The following KCTD18 variants were observed in gnomAD, a reference collection of about 807,000 sequenced individuals.
KCTD18 encodes the protein potassium channel tetramerization domain containing 18, also known as BTB/POZ domain-containing protein KCTD18.
In KCTD18, 22 loss-of-function variants were observed where a neutral mutation model predicts 30.4. That is an observed-to-expected ratio of 0.72 (90% CI 0.52 to 1.03). The LOEUF (loss-of-function observed/expected upper bound fraction) is 1.03. Among genes scored for constraint, KCTD18 ranks in the 50% least tolerant of loss-of-function variants. KCTD18 has a pLI of 0.00. For synonymous variants in KCTD18, 186 were observed against 209.0 expected (o/e 0.89, Z 0.95); for missense variants, 529 against 547.6 (o/e 0.97, Z 0.34).
chr2:200,496,994 C>T (rs891194331), intron 5 of KCTD18: 2 of 152,202 alleles, frequency 1.3e-5, no homozygotes, highest in African/African-American at 4.8e-5. Context: ...GACTGGCAGT[C>T]AGTCTTTACT....
intron 2 of KCTD18, among the ~76,000 whole-genome samples, chr2:200,505,649 C>A (rs944446680): frequency 2.0e-5 from 3 of 152,122 alleles, no homozygotes; most frequent in Non-Finnish European, 4.4e-5. Flanking sequence ...GAGGTTCTCA[C>A]TAAAGAGAGC....
chr2:200,492,097 C>G (rs544803266), intron 6 of KCTD18, among the ~76,000 whole-genome samples: 3 of 152,320 alleles, frequency 2.0e-5, no homozygotes, highest in Middle Eastern at 3.4e-3. Context: ...AGGAGGGTCT[C>G]CGTAAACCAC....
intron 3 of KCTD18, among the ~76,000 whole-genome samples, chr2:200,502,096 A>T (rs1215733492): frequency 6.7e-6 from 1 of 148,954 alleles, no homozygotes; most frequent in Non-Finnish European, 1.5e-5. Context: ...ATGAGAACAC[A>T]TGGACACAGG....
chr2:200,497,610 C>A, intron 5 of KCTD18, 143 bp downstream of exon 5: 1 of 642,706 alleles, frequency 1.6e-6, no homozygotes, highest in Non-Finnish European at 2.8e-6. Context: ...AAGTAAACTG[C>A]CTCAGTGTTA....
rs1483979417 is a variant in KCTD18 at position 200,504,919 on chromosome 2, G to T, written c.201C>A (p.Tyr67Ter). The T allele has an allele frequency of 2.5e-6, 4 of 1,613,962 alleles. No homozygotes were observed. In the Admixed American group the frequency reaches 5.0e-5, roughly 20 times the overall value. The part of the protein sequence containing the change: ...VIDRDGRLFK[Y>*]LLDYLHGEVQ... ...CTTCTCCATGAAGGTAATCCAAAAG[G>T]TATTTAAATAGACGTCCATCACGGT... Residue 67 changes from tyrosine to a stop codon, truncating the protein, a stop_gained, in exon 3 of 7, where the codon TAC becomes TAA. Coordinates refer to ENST00000359878, the MANE Select transcript of KCTD18 (RefSeq NM_152387.4). LOFTEE classifies it high-confidence loss of function.
Position 200,490,231 on chromosome 2 carries a change from G to A in KCTD18, c.1150C>T (p.Leu384=), listed in dbSNP as rs765155961. 6 of 1,614,250 alleles carry A rather than the reference G, an allele frequency of 3.7e-6. No homozygotes were observed. In the Admixed American group the frequency reaches 1.0e-4, roughly 27 times the overall value. The part of the protein sequence containing the change: ...QRVIKLKRTP[L]CATAPCLPSP... Reference sequence around the variant, plus strand: ...GGCAGGCAAGGCGCGGTGGCGCACAGCGGAGTCCTCTTCAGCTTTATCACC... The same window carrying A: ...GGCAGGCAAGGCGCGGTGGCGCACAACGGAGTCCTCTTCAGCTTTATCACC... Residue 384 remains leucine, a synonymous_variant, in exon 7 of 7, where the codon CTG becomes TTG. Coordinates refer to ENST00000359878, the MANE Select transcript of KCTD18 (RefSeq NM_152387.4).
rs765871188 is a variant in KCTD18, at chr2:200,506,922, C to T, written c.95G>A (p.Arg32His). 3.1e-6 allele frequency: 5 copies of T among 1,613,654 alleles called. No homozygotes were observed. Among genetic ancestry groups the T allele is most frequent in the African/African-American group, 2.7e-5 (2 of 74,864 alleles). ...IYTARRESLC[R>H]FKDSMLASMF... ...AGATGCCAACATGGAGTCCTTGAAG[C>T]GGCACAAGGACTCCCGCCGGGCTGT... is the stretch of plus-strand genomic sequence containing the variant. Residue 32 changes from arginine to histidine, a missense_variant, in exon 2 of 7, where the codon CGC becomes CAC. Arg to His is a conservative substitution (Grantham distance 29). Coordinates refer to ENST00000359878, the MANE Select transcript of KCTD18 (RefSeq NM_152387.4).
intron 3 of KCTD18, among the ~76,000 whole-genome samples, chr2:200,503,626 A>G (rs571800957): frequency 1.4e-3 from 209 of 152,350 alleles, no homozygotes; most frequent in Non-Finnish European, 2.3e-3. Context: ...AACAGCAGGG[A>G]AAGACTATCG....
chr2:200,509,951 C>T lies in KCTD18; in HGVS notation c.-399G>A, dbSNP rs1001230096. On this transcript the variant is annotated 5_prime_UTR_variant, in exon 1 of 7. Coordinates refer to ENST00000359878, the MANE Select transcript of KCTD18 (RefSeq NM_152387.4). ...GCCGCCTTCCGGGCCCGCGGCCCAT[C>T]CCGCGCCCGGCTCTTCCGCACCGGG... 4.0e-5 allele frequency: 6 copies of T among 151,040 alleles called. No homozygotes were observed. The highest frequency in any genetic ancestry group is 1.4e-4 in the African/African-American group (6 of 41,388). 9.4% of individuals were successfully genotyped at this position (151,040 alleles called of 1,614,324 possible). A position where few individuals can be genotyped will look rare whatever the true frequency, so the allele number is the denominator to read the frequency against.
At chr2:200,501,468 T>C (rs1471658603) in intron 3 of KCTD18, among the ~76,000 whole-genome samples, 1 of 140,268 alleles carries the variant, frequency 7.1e-6, no homozygotes, top group Non-Finnish European at 1.5e-5. Context: ...CATCAAAAAG[T>C]GGGCGAAGGA....
At position 200,504,331 on chromosome 2, in the gene KCTD18, C is replaced by T. The variant is rs1016526990; in HGVS notation, c.372+417G>A. ...AAAATTAGCTGGGCATAGTGGCAGG[C>T]GCCTGTAGTCCCAGCTACTGGGGAG... On this transcript the variant is annotated intron_variant, in intron 3 of 6. Coordinates refer to ENST00000359878, the MANE Select transcript of KCTD18 (RefSeq NM_152387.4). 5.3e-5 allele frequency among the ~76,000 whole-genome samples: 8 copies of T among 151,768 alleles called. No homozygotes were observed. The East Asian group carries it at 1.4e-3, about 26-fold the overall frequency.
chr2:200,495,146 A>T (rs2087981486), intron 5 of KCTD18, among the ~76,000 whole-genome samples: 1 of 152,198 alleles, frequency 6.6e-6, no homozygotes, highest in Non-Finnish European at 1.5e-5. Flanking sequence ...TCCTAATCAG[A>T]AGACCAGGAA....
intron 4 of KCTD18, among the ~76,000 whole-genome samples, chr2:200,498,135 T>TA (rs1170488641): frequency 6.6e-6 from 1 of 152,072 alleles, no homozygotes; most frequent in African/African-American, 2.4e-5. Flanking sequence ...ATCAAGTTTT[T>TA]AAAAAAAATC....
Position 200,490,257 on chromosome 2 carries a change from C to A in KCTD18, c.1124G>T (p.Arg375Leu). 6.2e-7 allele frequency: 1 copy of A among 1,614,248 alleles called. No homozygotes were observed. Among genetic ancestry groups the A allele is most frequent in the Non-Finnish European group, 8.5e-7 (1 of 1,180,044 alleles). ...LLSDKKPTPQ[R>L]VIKLKRTPLC... is the part of the protein sequence containing the mutation. ...CGGAGTCCTCTTCAGCTTTATCACC[C>A]GCTGGGGTGTAGGCTTCTTGTCGGA... The change falls in exon 7 of 7, where the codon CGG (arginine) becomes CTG (leucine). Residue 375 changes from arginine (R) to leucine (L), a missense_variant. Physicochemically the swap from Arg to Leu is moderately radical, Grantham distance 102 (BLOSUM62 -2). Transcript: ENST00000359878.
chr2:200,508,940 G>GC (rs920167439), intron 1 of KCTD18, among the ~76,000 whole-genome samples: 8 of 152,110 alleles, frequency 5.3e-5, no homozygotes, highest in Non-Finnish European at 1.0e-4. Flanking sequence ...GTATCCTTCT[G>GC]CCCCCCAAGT....
At chr2:200,506,732 G>T (rs1198477981) in intron 2 of KCTD18, 125 bp downstream of exon 2, 2 of 775,194 alleles carry the variant, frequency 2.6e-6, no homozygotes, top group East Asian at 2.6e-5. Context: ...TCTCCATAGA[G>T]TCCTAATGAT....
intron 5 of KCTD18, among the ~76,000 whole-genome samples, chr2:200,495,716 T>C (rs1188507147): frequency 6.6e-6 from 1 of 152,144 alleles, no homozygotes; most frequent in Admixed American, 6.5e-5. Flanking sequence ...CTTGTAATTT[T>C]TTTTTTTGTA....
At chr2:200,497,674 A>C (rs747570695) in intron 5 of KCTD18, 79 bp downstream of exon 5, 3 of 921,304 alleles carry the variant, frequency 3.3e-6, no homozygotes, top group Admixed American at 3.6e-5. Flanking sequence ...CTAAAAAAAG[A>C]AATGCAGTAT....
intron 5 of KCTD18, chr2:200,495,794 A>T (rs182852135): frequency 2.0e-5 from 3 of 152,002 alleles, no homozygotes; most frequent in African/African-American, 7.2e-5. Flanking sequence ...TTGTCCAGTT[A>T]ATGCAACATT....
Sources: allele counts gnomAD v4.1 joint callset (sites outside exome capture counted in the v4.1 genomes callset), GRCh38; gene constraint gnomAD v4.1.1; transcripts MANE v1.5; gene names NCBI Gene and HGNC (gene_info 2026-07-23, HGNC 2026-07-21).